Variants in ATG7 observed in about 807,000 individuals in gnomAD.
ATG7 encodes ubiquitin-like modifier-activating enzyme ATG7.
A neutral mutation model predicts 82.4 loss-of-function variants in ATG7; 70 were observed. The observed-to-expected ratio is 0.85, with a 90% CI of 0.70 to 1.04. The LOEUF is 1.04. ATG7 is among the 50% of genes least tolerant of loss of function. ATG7 has a pLI of 0.00. For missense variants in ATG7, 792 were observed against 864.3 expected (o/e 0.92, Z 1.05); for synonymous variants, 287 against 313.0 (o/e 0.92, Z 0.88).
chr3:11,362,791 A>C (rs2076363971), intron 16 of ATG7, 22 bp from the exon 17 acceptor site: 1 of 1,607,504 alleles, frequency 6.2e-7, no homozygotes, highest in Admixed American at 1.7e-5. Flanking sequence ...TTCTGCACAC[A>C]CCAATGATTG....
intron 20 of ATG7, among the ~76,000 whole-genome samples, chr3:11,546,197 A>T (rs183884186): frequency 0.014 from 1,361 of 99,860 alleles, 31 homozygotes; most frequent in African/African-American, 0.049. Flanking sequence ...TTTGAGATGG[A>T]GTCCTGCTCT....
intron 20 of ATG7, among the ~76,000 whole-genome samples, chr3:11,478,490 T>C (rs2088524710): frequency 2.6e-5 from 4 of 152,194 alleles, no homozygotes; most frequent in Admixed American, 2.6e-4. Flanking sequence ...TACATTATCA[T>C]GAGGGATTTG....
intron 20 of ATG7, among the ~76,000 whole-genome samples, chr3:11,505,113 G>C (rs188089436): frequency 6.6e-6 from 1 of 152,342 alleles, no homozygotes; most frequent in Non-Finnish European, 1.5e-5. Flanking sequence ...CTGGGAGCCT[G>C]TTAATTTTCA....
intron 19 of ATG7, among the ~76,000 whole-genome samples, chr3:11,401,299 GTTAT>G (rs2079812584): frequency 1.3e-5 from 2 of 152,128 alleles, no homozygotes; most frequent in South Asian, 4.1e-4. Context: ...GTTAAACTTT[GTTAT>G]TTTAAGGTTT....
intron 20 of ATG7, among the ~76,000 whole-genome samples, chr3:11,450,028 A>G (rs1207684630): frequency 4.6e-5 from 7 of 152,142 alleles, no homozygotes; most frequent in Non-Finnish European, 7.4e-5. Context: ...TCCCTTCCAA[A>G]TCTTACAGGG....
At chr3:11,511,385 C>T (rs1314461045) in intron 20 of ATG7, among the ~76,000 whole-genome samples, 2 of 152,202 alleles carry the variant, frequency 1.3e-5, no homozygotes, top group Non-Finnish European at 2.9e-5. Flanking sequence ...CTCCAAGGCC[C>T]CACCAGAGCA....
chr3:11,486,815 G>T (rs1379950053), intron 20 of ATG7, among the ~76,000 whole-genome samples: 2 of 98,348 alleles, frequency 2.0e-5, no homozygotes, highest in African/African-American at 8.6e-5. Context: ...TTTGTCTTTG[G>T]TTCTGTTTTT....
At chr3:11,398,223 C>T (rs1213488070) in intron 19 of ATG7, among the ~76,000 whole-genome samples, 2 of 152,004 alleles carry the variant, frequency 1.3e-5, no homozygotes, top group Admixed American at 6.5e-5. Flanking sequence ...TAGAATACTG[C>T]ACCTAACTGA....
chr3:11,564,872 T>C, the ATG7 span: 1 of 1,608,614 alleles, frequency 6.2e-7, no homozygotes, highest in Non-Finnish European at 8.5e-7. Context: ...TCTTGGTCAG[T>C]GCGAGGGGCT....
intron 19 of ATG7, among the ~76,000 whole-genome samples, chr3:11,388,676 C>T (rs2078515952): frequency 6.6e-6 from 1 of 152,050 alleles, no homozygotes; most frequent in Non-Finnish European, 1.5e-5. Context: ...GATCCACCCA[C>T]CTCGGCCTCC....
intron 20 of ATG7, among the ~76,000 whole-genome samples, chr3:11,518,024 G>T (rs1223919313): frequency 1.3e-5 from 2 of 152,192 alleles, no homozygotes; most frequent in Non-Finnish European, 2.9e-5. Context: ...TTGAATCGAT[G>T]TTGAAAATAT....
At position 11,395,253 on chromosome 3, in the gene ATG7, G is replaced by C. The variant is rs570302965; in HGVS notation, c.1956+15201G>C. On this transcript the variant is annotated intron_variant, in intron 19 of 20. Transcript: ENST00000693202. ...GATGGAAAATATAAAAAAGGTAGAA[G>C]ATAGAGTGAGAAAGTCTAACAGTCA... Among the ~76,000 whole-genome samples the C allele has an allele frequency of 2.0e-5, 3 of 152,200 alleles. No individual in the cohort carries two copies. In the East Asian group the frequency reaches 5.8e-4, roughly 29 times the overall value.
intron 1 of ATG7, among the ~76,000 whole-genome samples, chr3:11,275,712 G>A (rs1278709971): frequency 6.6e-6 from 1 of 151,944 alleles, no homozygotes; most frequent in Non-Finnish European, 1.5e-5. Context: ...AGGCCTGATT[G>A]TATAATCAAG....
chr3:11,471,238 A>T (rs2087479716), intron 20 of ATG7, among the ~76,000 whole-genome samples: 1 of 152,058 alleles, frequency 6.6e-6, no homozygotes. Context: ...GACAGCTCCT[A>T]CCGCTGGCCC....
chr3:11,378,224 C>G (rs907499456), intron 18 of ATG7, among the ~76,000 whole-genome samples: 3 of 147,436 alleles, frequency 2.0e-5, no homozygotes, highest in African/African-American at 7.5e-5. Context: ...GCCATGTTGT[C>G]CAGGCTGGTC....
chr3:11,536,835 G>A (rs1401042078), intron 20 of ATG7, among the ~76,000 whole-genome samples: 2 of 152,186 alleles, frequency 1.3e-5, no homozygotes, highest in African/African-American at 4.8e-5. Flanking sequence ...TTCAGCAGCT[G>A]TGTAGGGTGA....
In ATG7 at chr3:11,306,932, C is replaced by A; in HGVS notation, c.216-11C>A. 6.2e-7 allele frequency: 1 copy of A among 1,610,276 alleles called. No homozygotes were observed. The highest frequency in any genetic ancestry group is 1.1e-5 in the South Asian group (1 of 90,946). On this transcript the variant is annotated splice_polypyrimidine_tract_variant and intron_variant, in intron 5 of 20. Coordinates refer to ENST00000693202, the MANE Select transcript of ATG7 (RefSeq NM_001349232.2). Reference sequence around the variant, plus strand: ...GCTGTGCCTGACTAACCGTGTTTCTCTTGTATCTAGGAGTGCTCCCACCCC... The same window carrying A: ...GCTGTGCCTGACTAACCGTGTTTCTATTGTATCTAGGAGTGCTCCCACCCC...
At chr3:11,559,571 G>A, downstream of ATG7, 3 of 1,372,628 alleles carry the variant, frequency 2.2e-6, no homozygotes, top group Admixed American at 3.3e-5. Context: ...GACCCAGTCT[G>A]CCACCTCCCA....
Position 11,471,745 on chromosome 3 carries a change from C to CTTTTTTTTTT in ATG7, c.2079+44826_2079+44835dup, listed in dbSNP as rs200590021. Among the ~76,000 whole-genome samples the CTTTTTTTTTT allele has an allele frequency of 2.6e-4, 28 of 105,690 alleles. 2 individuals are homozygous for CTTTTTTTTTT. The highest frequency in any genetic ancestry group is 5.9e-4 in the East Asian group (2 of 3,374). The allele number at this position is 105,690 out of a possible 152,430, so 69.3% of individuals were successfully genotyped here. On this transcript the variant is annotated intron_variant, in intron 20 of 20. Transcript: ENST00000693202. Reference sequence around the variant, plus strand: ...CTTCATAGATTGGCTTTTTAGATTTCTTTTTTTTTTTTTTTTGAAATGTAG... The same window carrying CTTTTTTTTTT: ...CTTCATAGATTGGCTTTTTAGATTTCTTTTTTTTTTTTTTTTTTTTTTTTTTGAAATGTAG...
Sources: allele counts gnomAD v4.1 joint callset (sites outside exome capture counted in the v4.1 genomes callset), GRCh38; gene constraint gnomAD v4.1.1; transcripts MANE v1.5; gene names NCBI Gene and HGNC (gene_info 2026-07-23, HGNC 2026-07-21).